The following AUTS2 variants were observed in gnomAD, a reference collection of about 807,000 sequenced individuals.
The protein encoded by AUTS2 is activator of transcription and developmental regulator AUTS2.
Under a neutral mutation model 112.4 loss-of-function variants are expected in AUTS2, and 17 were observed. The ratio of observed to expected loss-of-function variants is 0.15; its 90% CI spans 0.10 to 0.23. The LOEUF (loss-of-function observed/expected upper bound fraction) is 0.23. AUTS2 is among the 10% of genes least tolerant of loss of function. The pLI is 1.00. For missense variants in AUTS2, 1,510 were observed against 1,701.6 expected (o/e 0.89, Z 1.98); for synonymous variants, 751 against 702.7 (o/e 1.07, Z -1.09).
intron 3 of AUTS2, among the ~76,000 whole-genome samples, chr7:70,122,796 T>C (rs1297018011): frequency 1.3e-5 from 2 of 151,528 alleles, no homozygotes; most frequent in African/African-American, 2.4e-5. Flanking sequence ...CCCTCACTCA[T>C]GTGCAGGTCT....
intron 6 of AUTS2, among the ~76,000 whole-genome samples, chr7:70,742,380 T>G (rs1284520042): frequency 6.6e-6 from 1 of 152,232 alleles, no homozygotes; most frequent in African/African-American, 2.4e-5. Context: ...TGAATGGTTC[T>G]TACTTTTCAG....
intron 1 of AUTS2, among the ~76,000 whole-genome samples, chr7:69,807,313 A>AT (rs1310252829): frequency 6.6e-6 from 1 of 152,090 alleles, no homozygotes; most frequent in African/African-American, 2.4e-5. Flanking sequence ...TAAAATTCTG[A>AT]TTTTTTAGGT....
At chr7:70,162,302 C>G (rs1346544927) in intron 4 of AUTS2, among the ~76,000 whole-genome samples, 26 of 150,042 alleles carry the variant, frequency 1.7e-4, no homozygotes, top group African/African-American at 6.4e-4. Context: ...AAAAATTAGC[C>G]GGGCGTAGTG....
intron 5 of AUTS2, among the ~76,000 whole-genome samples, chr7:70,494,979 AAGG>A (rs1798393507): frequency 6.6e-6 from 1 of 152,116 alleles, no homozygotes; most frequent in African/African-American, 2.4e-5. Flanking sequence ...TAATTTTTTA[AAGG>A]AGGTTTCTAC....
At chr7:69,917,972 A>AT (rs1266578028) in intron 2 of AUTS2, among the ~76,000 whole-genome samples, 7 of 151,986 alleles carry the variant, frequency 4.6e-5, no homozygotes, top group Non-Finnish European at 1.0e-4. Flanking sequence ...CCTCCCTAGT[A>AT]GCTGGGACTA....
At chr7:70,513,305 G>T (rs1393888005) in intron 5 of AUTS2, among the ~76,000 whole-genome samples, 1 of 152,198 alleles carries the variant, frequency 6.6e-6, no homozygotes, top group Non-Finnish European at 1.5e-5. Context: ...GGCTATTTCT[G>T]ATCAGACCCA....
intron 1 of AUTS2, among the ~76,000 whole-genome samples, chr7:69,845,948 A>G (rs73440124): frequency 0.01 from 1,560 of 152,252 alleles, 39 homozygotes; most frequent in African/African-American, 0.035. Flanking sequence ...GGTAACAATA[A>G]TGATACACAG....
At position 69,869,545 on chromosome 7, in the gene AUTS2, C is replaced by T. The variant is rs551653786; in HGVS notation, c.310-29741C>T. Among the ~76,000 whole-genome samples the T allele has an allele frequency of 1.2e-3, 172 of 140,646 alleles. No individual in the cohort carries two copies. The East Asian group carries it at 0.013, about 10-fold the overall frequency. 92.3% of individuals were successfully genotyped at this position (140,646 alleles called of 152,430 possible). A position where few individuals can be genotyped will look rare whatever the true frequency, so the allele number is the denominator to read the frequency against. Reference sequence around the variant, plus strand: ...CAAGGATCATATATATATATATATACACACACACACTCATGTACAGAAGAA... The same window carrying T: ...CAAGGATCATATATATATATATATATACACACACACTCATGTACAGAAGAA... On this transcript the variant is annotated intron_variant, in intron 1 of 18. Transcript: ENST00000342771.
intron 2 of AUTS2, among the ~76,000 whole-genome samples, chr7:69,992,151 A>G (rs2129551614): frequency 6.6e-6 from 1 of 152,334 alleles, no homozygotes; most frequent in African/African-American, 2.4e-5. Context: ...GATTGTGTCC[A>G]TGTGAGACGG....
At chr7:70,138,708 G>A (rs1048249097) in intron 4 of AUTS2, among the ~76,000 whole-genome samples, 8 of 152,120 alleles carry the variant, frequency 5.3e-5, no homozygotes, top group Admixed American at 2.0e-4. Context: ...TAAAACTGCC[G>A]CATTATATAG....
chr7:70,194,215 GC>G (rs1232673701), intron 4 of AUTS2, among the ~76,000 whole-genome samples: 1 of 151,724 alleles, frequency 6.6e-6, no homozygotes, highest in African/African-American at 2.4e-5. Flanking sequence ...TTTGAGACCA[GC>G]CTGGCCAACA....
chr7:70,568,572 A>G (rs1241498052), intron 5 of AUTS2, among the ~76,000 whole-genome samples: 3 of 152,186 alleles, frequency 2.0e-5, no homozygotes, highest in Non-Finnish European at 4.4e-5. Context: ...CATCTTCTCC[A>G]TCGCAGTGAG....
At chr7:69,806,626 G>A (rs999871703) in intron 1 of AUTS2, among the ~76,000 whole-genome samples, 4 of 152,036 alleles carry the variant, frequency 2.6e-5, no homozygotes, top group South Asian at 2.1e-4. Context: ...GCACTACCAC[G>A]CCTGGCTAAT....
At position 70,734,439 on chromosome 7, in the gene AUTS2, CAAAAAA is replaced by C. The variant is rs146109756; in HGVS notation, c.743-28426_743-28421del. Among the ~76,000 whole-genome samples, 11 of 144,556 alleles carry C rather than the reference CAAAAAA, an allele frequency of 7.6e-5. 3 individuals carry two copies. 94.8% of individuals were successfully genotyped at this position (144,556 alleles called of 152,430 possible). A position where few individuals can be genotyped will look rare whatever the true frequency, so the allele number is the denominator to read the frequency against. Reference sequence around the variant, plus strand: ...TGGGAGACAGAGTGAGAGTCTATCTCAAAAAAAAAAGAAAAAAGAAGAAAACCTTGA... The same window carrying C: ...TGGGAGACAGAGTGAGAGTCTATCTCAAAAGAAAAAAGAAGAAAACCTTGA... On this transcript the variant is annotated intron_variant, in intron 6 of 18. Coordinates refer to ENST00000342771, the MANE Select transcript of AUTS2 (RefSeq NM_015570.4).
chr7:70,333,260 C>T (rs1025604891), intron 4 of AUTS2, among the ~76,000 whole-genome samples: 6 of 152,164 alleles, frequency 3.9e-5, no homozygotes, highest in African/African-American at 7.2e-5. Flanking sequence ...CAATGAGATA[C>T]GATTTCATGC....
intron 6 of AUTS2, among the ~76,000 whole-genome samples, chr7:70,731,082 A>G (rs1282890793): frequency 2.0e-5 from 3 of 152,118 alleles, no homozygotes; most frequent in Non-Finnish European, 2.9e-5. Context: ...CCCACTGTTA[A>G]GTGGGCTATT....
intron 6 of AUTS2, among the ~76,000 whole-genome samples, chr7:70,705,911 C>T (rs1585541473): frequency 6.6e-6 from 1 of 152,302 alleles, no homozygotes; most frequent in South Asian, 2.1e-4. Flanking sequence ...GCAGAATTTT[C>T]CATCCGAACA....
At chr7:70,096,613 A>G (rs535713430) in intron 2 of AUTS2, among the ~76,000 whole-genome samples, 73 of 151,298 alleles carry the variant, frequency 4.8e-4, no homozygotes, top group African/African-American at 1.7e-3. Context: ...AAAAAAAAAA[A>G]AAAGAAAAAA....
At chr7:70,305,480 C>G (rs1789452557) in intron 4 of AUTS2, among the ~76,000 whole-genome samples, 1 of 152,174 alleles carries the variant, frequency 6.6e-6, no homozygotes, top group South Asian at 2.1e-4. Flanking sequence ...TTTGGATTCT[C>G]TCCAATTTCC....
Sources: allele counts gnomAD v4.1 joint callset (sites outside exome capture counted in the v4.1 genomes callset), GRCh38; gene constraint gnomAD v4.1.1; transcripts MANE v1.5; gene names NCBI Gene and HGNC (gene_info 2026-07-23, HGNC 2026-07-21).